Variants in KCNMA1 observed in about 807,000 individuals in gnomAD.
The protein encoded by KCNMA1 is potassium calcium-activated channel subfamily M alpha 1.
Under a neutral mutation model 140.0 loss-of-function variants are expected in KCNMA1, and 29 were observed. The observed-to-expected ratio is 0.21, with a 90% CI of 0.15 to 0.28. The LOEUF is 0.28. KCNMA1 is among the 10% of genes least tolerant of loss of function. The pLI is 1.00. For synonymous variants in KCNMA1, 612 were observed against 611.9 expected (o/e 1.00, Z 0.00); for missense variants, 880 against 1,602.2 (o/e 0.55, Z 7.70).
intron 3 of KCNMA1, among the ~76,000 whole-genome samples, chr10:77,239,530 T>C (rs1386384083): frequency 6.6e-6 from 1 of 152,222 alleles, no homozygotes; most frequent in African/African-American, 2.4e-5. Context: ...CCTGGAGCCC[T>C]ACCTACTATT....
chr10:77,031,123 C>T (rs570364837), intron 15 of KCNMA1, among the ~76,000 whole-genome samples: 2 of 152,186 alleles, frequency 1.3e-5, no homozygotes, highest in African/African-American at 2.4e-5. Context: ...GAGTCTTTGA[C>T]GCAATGTGCT....
intron 5 of KCNMA1, among the ~76,000 whole-genome samples, chr10:77,146,579 G>A (rs1272512250): frequency 6.6e-6 from 1 of 151,862 alleles, no homozygotes; most frequent in Middle Eastern, 3.2e-3. Flanking sequence ...GCCTGCACCT[G>A]TAGTCCCAGC....
intron 25 of KCNMA1, among the ~76,000 whole-genome samples, chr10:76,908,036 T>C (rs1014985500): frequency 2.6e-5 from 4 of 152,150 alleles, no homozygotes; most frequent in African/African-American, 7.2e-5. Context: ...GAAAAAAAAA[T>C]TCTACTGTAA....
chr10:77,247,065 GACAA>G (rs2058691138), intron 3 of KCNMA1, among the ~76,000 whole-genome samples: 1 of 152,208 alleles, frequency 6.6e-6, no homozygotes, highest in African/African-American at 2.4e-5. Context: ...CCCTTTCAGA[GACAA>G]GAGCCTGCAT....
At chr10:77,034,243 CA>C (rs1187442257) in intron 15 of KCNMA1, among the ~76,000 whole-genome samples, 10,578 of 71,546 alleles carry the variant, frequency 0.15, 307 homozygotes, top group Middle Eastern at 0.19. Context: ...GACTCCATCT[CA>C]AAAAAAAAAA....
chr10:76,924,107 T>C (rs189685224), intron 23 of KCNMA1, among the ~76,000 whole-genome samples: 87 of 152,348 alleles, frequency 5.7e-4, no homozygotes, highest in African/African-American at 2.0e-3. Context: ...TCTAAAAATA[T>C]GTGTACAGCC....
intron 1 of KCNMA1, among the ~76,000 whole-genome samples, chr10:77,459,042 G>T (rs2097805491): frequency 6.6e-6 from 1 of 152,162 alleles, no homozygotes; most frequent in East Asian, 1.9e-4. Flanking sequence ...TCCCATTAGG[G>T]TCTATCATTG....
chr10:77,023,037 G>A (rs969082636), intron 16 of KCNMA1: 3 of 426,386 alleles, frequency 7.0e-6, no homozygotes, highest in Non-Finnish European at 1.4e-5. Context: ...ATTGGCTAGC[G>A]GGGCTCAGTC....
intron 2 of KCNMA1, among the ~76,000 whole-genome samples, chr10:77,314,551 A>C (rs1305560839): frequency 6.6e-6 from 1 of 152,194 alleles, no homozygotes; most frequent in African/African-American, 2.4e-5. Flanking sequence ...TTATCCTAAC[A>C]ATTGCTCCTA....
chr10:77,286,119 T>C (rs528965278), intron 2 of KCNMA1, among the ~76,000 whole-genome samples: 4 of 151,246 alleles, frequency 2.6e-5, no homozygotes, highest in Non-Finnish European at 5.9e-5. Flanking sequence ...AATTGTGTAA[T>C]TTTTTTTCTT....
At chr10:77,599,083 A>G (rs985673110) in intron 1 of KCNMA1, among the ~76,000 whole-genome samples, 13 of 152,242 alleles carry the variant, frequency 8.5e-5, no homozygotes, top group Admixed American at 3.9e-4. Flanking sequence ...CTTCCTCCCT[A>G]AAAGTCAAAA....
chr10:77,583,467 C>A (rs2076410356), intron 1 of KCNMA1, among the ~76,000 whole-genome samples: 1 of 152,230 alleles, frequency 6.6e-6, no homozygotes, highest in South Asian at 2.1e-4. Context: ...CCAGGAGAGT[C>A]TCATCTCAAA....
chr10:77,326,234 G>T (rs1327307386), intron 2 of KCNMA1, among the ~76,000 whole-genome samples: 1 of 152,046 alleles, frequency 6.6e-6, no homozygotes, highest in Non-Finnish European at 1.5e-5. Context: ...TGTTTTCTCT[G>T]TCCTAATCAC....
intron 1 of KCNMA1, among the ~76,000 whole-genome samples, chr10:77,523,955 T>G (rs2054565108): frequency 6.6e-6 from 1 of 152,142 alleles, no homozygotes; most frequent in African/African-American, 2.4e-5. Flanking sequence ...TGTAACTGGA[T>G]TGTTTGTAAC....
At chr10:77,620,383 G>A (rs1365806839) in intron 1 of KCNMA1, among the ~76,000 whole-genome samples, 1 of 152,190 alleles carries the variant, frequency 6.6e-6, no homozygotes, top group Non-Finnish European at 1.5e-5. Context: ...AAATACCTGG[G>A]GAAAGCAGGA....
chr10:77,350,059 C>T (rs1183953914), intron 2 of KCNMA1, among the ~76,000 whole-genome samples: 8 of 152,178 alleles, frequency 5.3e-5, no homozygotes, highest in African/African-American at 1.2e-4. Flanking sequence ...CCACCACACC[C>T]GGCTAATTTT....
chr10:77,241,872 A>C (rs1392359392), intron 3 of KCNMA1, among the ~76,000 whole-genome samples: 1 of 152,204 alleles, frequency 6.6e-6, no homozygotes, highest in Non-Finnish European at 1.5e-5. Context: ...ATTCATTCTT[A>C]TACCAATGCA....
chr10:76,976,702 T>G (rs1248386898), intron 19 of KCNMA1, among the ~76,000 whole-genome samples: 3 of 152,180 alleles, frequency 2.0e-5, no homozygotes, highest in Non-Finnish European at 4.4e-5. Context: ...TTAGAATCAT[T>G]GCCCAACACT....
chr10:77,093,170 C>A (rs956098129), intron 9 of KCNMA1, among the ~76,000 whole-genome samples: 3 of 152,030 alleles, frequency 2.0e-5, no homozygotes, highest in African/African-American at 7.2e-5. Flanking sequence ...AAATATATAT[C>A]TTTTAGCCAC....
Sources: allele counts gnomAD v4.1 joint callset (sites outside exome capture counted in the v4.1 genomes callset), GRCh38; gene constraint gnomAD v4.1.1; transcripts MANE v1.5; gene names NCBI Gene and HGNC (gene_info 2026-07-23, HGNC 2026-07-21).